Variants in MCF2L observed in about 807,000 individuals in gnomAD.
MCF2L encodes guanine nucleotide exchange factor DBS.
In MCF2L, 97 loss-of-function variants were observed where a neutral mutation model predicts 153.4. That is an observed-to-expected ratio of 0.63 (90% CI 0.54 to 0.75). The LOEUF (loss-of-function observed/expected upper bound fraction) is 0.75. Ranked by LOEUF, MCF2L falls within the 30% of genes least tolerant of loss-of-function variation. MCF2L has a pLI of 0.00. For synonymous variants in MCF2L, 659 were observed against 632.2 expected, an observed-to-expected ratio of 1.04 and a Z score of -0.64; for missense variants, 1,347 against 1,495.2, an observed-to-expected ratio of 0.90 and a Z score of 1.64.
intron 3 of MCF2L, chr13:113,044,141 G>T (rs936832645): frequency 1.1e-5 from 2 of 182,652 alleles, no homozygotes; most frequent in Admixed American, 1.1e-4. Context: ...ACTGCAGAAG[G>T]CTGCTTTGAA....
rs2082495893 is a variant in MCF2L, at chr13:112,983,032, C to T, written c.79+13574C>T. On this transcript the variant is annotated intron_variant, in intron 1 of 29. Transcript: ENST00000535094. The surrounding 1 kb of genome is among the most constrained non-coding windows in gnomAD (Gnocchi z 4.0). ...TCCAGTGGGGAGGTTGGGGAAAGCA[C>T]TTCCTGATGCCTTTGGGTGTGGAAA... Among the ~76,000 whole-genome samples the T allele has an allele frequency of 6.6e-6, 1 of 152,086 alleles. No homozygotes were observed. Among genetic ancestry groups the T allele is most frequent in the African/African-American group, 2.4e-5 (1 of 41,398 alleles).
At chr13:113,067,208 G>C (rs1017106864) in intron 8 of MCF2L, among the ~76,000 whole-genome samples, 2 of 149,768 alleles carry the variant, frequency 1.3e-5, no homozygotes, top group African/African-American at 4.9e-5. Context: ...TCCCAGCTAC[G>C]CGGAGGCAGA....
At chr13:113,095,765 T>TC (rs1294030819) in intron 27 of MCF2L, 1 of 997,246 alleles carries the variant, frequency 1.0e-6, no homozygotes, top group Non-Finnish European at 1.2e-6. Context: ...GCTGTGAATC[T>TC]CCCCACTCTG....
At chr13:113,077,594 TC>T (rs1450944459) in intron 13 of MCF2L, among the ~76,000 whole-genome samples, 1 of 152,064 alleles carries the variant, frequency 6.6e-6, no homozygotes, top group Non-Finnish European at 1.5e-5. Context: ...CCACGGTCTG[TC>T]CTTTCCCGGT....
At chr13:112,896,911 G>T (rs2081073412) in intron 1 of MCF2L, among the ~76,000 whole-genome samples, 1 of 152,232 alleles carries the variant, frequency 6.6e-6, no homozygotes, top group South Asian at 2.1e-4. Flanking sequence ...GTGTTTCTAG[G>T]TTCCAACTTG....
intron 1 of MCF2L, among the ~76,000 whole-genome samples, chr13:112,971,264 C>T (rs1380154188): frequency 6.6e-6 from 1 of 152,188 alleles, no homozygotes; most frequent in Non-Finnish European, 1.5e-5. Flanking sequence ...ATCCCCACCT[C>T]GGGTTTAAAT....
At chr13:113,071,022 A>G (rs2032861588) in intron 9 of MCF2L, among the ~76,000 whole-genome samples, 1 of 152,168 alleles carries the variant, frequency 6.6e-6, no homozygotes, top group Admixed American at 6.5e-5. Context: ...TCAGTGTATG[A>G]GAGACTAGTT....
Position 113,001,722 on chromosome 13 carries a change from C to T in MCF2L, c.80-13041C>T, listed in dbSNP as rs946765916. On this transcript the variant is annotated intron_variant, in intron 1 of 29. Coordinates refer to ENST00000535094, the MANE Select transcript of MCF2L (RefSeq NM_001112732.3). ...GATGCTGCTCCTTAATCAGGGACATCGAATCGGAGGCCCTGGGAGGAGCAG... is the reference window on the plus strand; with the variant it reads ...GATGCTGCTCCTTAATCAGGGACATTGAATCGGAGGCCCTGGGAGGAGCAG... 2.9e-5 allele frequency: 40 copies of T among 1,360,498 alleles called. No homozygotes were observed. The East Asian group carries it at 4.3e-4, about 14-fold the overall frequency. The allele number at this position is 1,360,498 out of a possible 1,614,324, so 84.3% of individuals were successfully genotyped here. A position where few individuals can be genotyped will look rare whatever the true frequency, so the allele number is the denominator to read the frequency against.
intron 15 of MCF2L, among the ~76,000 whole-genome samples, chr13:113,080,718 G>A (rs1376866615): frequency 3.3e-5 from 5 of 152,204 alleles, no homozygotes; most frequent in African/African-American, 1.2e-4. Flanking sequence ...GGGCAGCTCC[G>A]GCGATGCCAG....
At position 113,064,346 on chromosome 13, in the gene MCF2L, G is replaced by A. The variant is rs780405019; in HGVS notation, c.532G>A (p.Asp178Asn). ...CGTACCAGACTTACACGGTTACATC[G>A]ATAAGTCGCAGCTGACCGAGGACCT... ...SSVPDLHGYI[D>N]KSQLTEDLGG... is the part of the protein sequence containing the mutation. The change falls in exon 6 of 30, where the codon GAT (aspartate) becomes AAT (asparagine). Residue 178 changes from aspartate (D) to asparagine (N), a missense_variant. Physicochemically the swap from Asp to Asn is conservative, Grantham distance 23 (BLOSUM62 1). This residue lies in a region of MCF2L where 820 missense variants were observed against 921.2 expected (regional missense o/e 0.89). Transcript: ENST00000535094. This position sits in a 1 kb window ranked among gnomAD's most constrained non-coding sequence, Gnocchi z 6.0. The A allele has an allele frequency of 1.2e-5, 19 of 1,612,972 alleles. No homozygotes were observed. Among genetic ancestry groups the A allele is most frequent in the Non-Finnish European group, 1.3e-5 (15 of 1,179,934 alleles).
chr13:112,984,133 C>T (rs1350135582), intron 1 of MCF2L, among the ~76,000 whole-genome samples: 1 of 152,152 alleles, frequency 6.6e-6, no homozygotes, highest in Non-Finnish European at 1.5e-5. Flanking sequence ...CGCCGGGTGC[C>T]GGATCTCCCA....
intron 3 of MCF2L, chr13:113,042,537 C>G (rs1220948679): frequency 6.6e-6 from 1 of 152,228 alleles, no homozygotes; most frequent in Non-Finnish European, 1.5e-5. Flanking sequence ...AAGCCCCACA[C>G]AGGCAGGCCG....
intron 1 of MCF2L, among the ~76,000 whole-genome samples, chr13:112,978,570 G>C (rs1325089863): frequency 1.3e-5 from 2 of 152,244 alleles, no homozygotes; most frequent in Non-Finnish European, 2.9e-5. Context: ...TGTCCCCGAT[G>C]CCAGTGGGAG....
intron 2 of MCF2L, among the ~76,000 whole-genome samples, chr13:112,911,372 T>C (rs2081230141): frequency 6.6e-6 from 1 of 152,088 alleles, no homozygotes; most frequent in Non-Finnish European, 1.5e-5. Context: ...GCACCGTCCA[T>C]GCAGGGTGTA....
chr13:113,094,674 T>G (rs772390967), intron 27 of MCF2L, 39 bp downstream of exon 27: 22 of 1,591,002 alleles, frequency 1.4e-5, no homozygotes, highest in South Asian at 1.4e-4. Flanking sequence ...GGGTGGGGGC[T>G]GCCCTCCGGG....
intron 2 of MCF2L, among the ~76,000 whole-genome samples, chr13:112,927,216 G>A (rs1157557834): frequency 6.6e-6 from 1 of 152,204 alleles, no homozygotes; most frequent in Non-Finnish European, 1.5e-5. Flanking sequence ...TCATAGACAC[G>A]TTTGCCCTTT....
chr13:113,046,716 A>AC lies in MCF2L; in HGVS notation c.369+1356dup, dbSNP rs2086839433. 2 of 514,390 alleles carry AC rather than the reference A, an allele frequency of 3.9e-6. No individual in the cohort carries two copies. Among genetic ancestry groups the AC allele is most frequent in the Non-Finnish European group, 8.0e-6 (2 of 249,006 alleles). The allele number at this position is 514,390 out of a possible 1,614,324, so 31.9% of individuals were successfully genotyped here. A position where few individuals can be genotyped will look rare whatever the true frequency, so the allele number is the denominator to read the frequency against. ...GGATGAGGCATCTCCTTGCACCCCC[A>AC]CGGCACCTCTCTGCCCCTCGCCGCG... On this transcript the variant is annotated intron_variant, in intron 4 of 29. Transcript: ENST00000535094. This position sits in a 1 kb window ranked among gnomAD's most constrained non-coding sequence, Gnocchi z 4.4.
chr13:112,894,604 G>A (rs2081047703), intron 1 of MCF2L, among the ~76,000 whole-genome samples: 2 of 152,050 alleles, frequency 1.3e-5, no homozygotes, highest in South Asian at 2.1e-4. Flanking sequence ...GGGCGGCCTG[G>A]GATCGGCCCC....
chr13:113,039,282 T>G (rs1401713926), intron 3 of MCF2L, among the ~76,000 whole-genome samples: 2 of 152,208 alleles, frequency 1.3e-5, no homozygotes, highest in African/African-American at 4.8e-5. Context: ...GATACCTGCC[T>G]CACACCATAT....
Sources: allele counts gnomAD v4.1 joint callset (sites outside exome capture counted in the v4.1 genomes callset), GRCh38; gene constraint gnomAD v4.1.1; regional missense constraint gnomAD v4.1.1; non-coding constraint Gnocchi (gnomAD v3.1); transcripts MANE v1.5; gene names NCBI Gene and HGNC (gene_info 2026-07-23, HGNC 2026-07-21).